ZNRF1: variants seen among roughly 807,000 people sequenced by gnomAD.
The protein encoded by ZNRF1 is E3 ubiquitin-protein ligase ZNRF1.
In ZNRF1, 3 loss-of-function variants were observed where a neutral mutation model predicts 18.4. The ratio of observed to expected loss-of-function variants is 0.16; its 90% CI spans 0.07 to 0.42. The LOEUF (loss-of-function observed/expected upper bound fraction) is 0.42. Among genes scored for constraint, ZNRF1 ranks in the 10% least tolerant of loss-of-function variants. The pLI, the probability that ZNRF1 is intolerant of heterozygous loss-of-function variation, is 0.99. For synonymous variants in ZNRF1, 157 were observed against 144.2 expected, an observed-to-expected ratio of 1.09 and a Z score of -0.64; for missense variants, 310 against 329.8, an observed-to-expected ratio of 0.94 and a Z score of 0.47.
At chr16:75,026,317 A>G (rs1399750479) in intron 1 of ZNRF1, among the ~76,000 whole-genome samples, 1 of 152,068 alleles carries the variant, frequency 6.6e-6, no homozygotes, top group Admixed American at 6.6e-5. Flanking sequence ...GGCAAGAGTA[A>G]AAGTACTGGC....
In ZNRF1 at chr16:75,003,816, A is replaced by G. The variant is rs2034883949; in HGVS notation, c.424+3721A>G. ...TTTATTCATCTGTAAAATGTAGAAG[A>G]CGCCTGTCCTGCTTACCTCTCAGAG... On this transcript the variant is annotated intron_variant, in intron 1 of 4. Coordinates refer to ENST00000335325, the MANE Select transcript of ZNRF1 (RefSeq NM_032268.5). 2.6e-5 allele frequency among the ~76,000 whole-genome samples: 4 copies of G among 152,230 alleles called. No individual in the cohort carries two copies. In the South Asian group the frequency reaches 8.3e-4, roughly 32 times the overall value.
At chr16:75,009,915 T>C (rs989451034) in intron 1 of ZNRF1, among the ~76,000 whole-genome samples, 1 of 144,208 alleles carries the variant, frequency 6.9e-6, no homozygotes, top group Non-Finnish European at 1.5e-5. Flanking sequence ...TTTCATGTGT[T>C]TATTGGCCAT....
Position 74,999,930 on chromosome 16 carries a change from G to A in ZNRF1, c.259G>A (p.Gly87Ser), listed in dbSNP as rs1018397374. Residue 87 changes from glycine to serine, a missense_variant, in exon 1 of 5, where the codon GGC becomes AGC. Gly to Ser is a moderately conservative substitution (Grantham distance 56). This residue lies in a region of ZNRF1 where 293 missense variants were observed against 291.2 expected (regional missense o/e 1.01). Coordinates refer to ENST00000335325, the MANE Select transcript of ZNRF1 (RefSeq NM_032268.5). The stretch of plus-strand genomic sequence containing the variant: ...CACCGGCGACTCCGAGAGGGCGCCC[G>A]GCGGCGGAGGGTCTGCGTCCGACTC... ...RGTGDSERAP[G>S]GGGSASDSTY... 3.2e-6 allele frequency: 5 copies of A among 1,562,124 alleles called. No individual in the cohort carries two copies. The highest frequency in any genetic ancestry group is 4.3e-6 in the Non-Finnish European group (5 of 1,155,124).
intron 1 of ZNRF1, among the ~76,000 whole-genome samples, chr16:75,086,462 G>A (rs2036075280): frequency 6.6e-6 from 1 of 152,156 alleles, no homozygotes. Flanking sequence ...AGTCAAGGAT[G>A]TTCTCTAGGA....
intron 1 of ZNRF1, among the ~76,000 whole-genome samples, chr16:75,018,548 A>G (rs1376078650): frequency 6.6e-6 from 1 of 152,046 alleles, no homozygotes; most frequent in African/African-American, 2.4e-5. Flanking sequence ...AGCATCACAT[A>G]TGTTTTTGGT....
At chr16:75,071,193 G>A (rs1245059976) in intron 1 of ZNRF1, among the ~76,000 whole-genome samples, 2 of 150,900 alleles carry the variant, frequency 1.3e-5, no homozygotes, top group African/African-American at 4.9e-5. Flanking sequence ...TCCGCCTCCC[G>A]GGTTCAAGTG....
chr16:75,104,566 C>T, intron 2 of ZNRF1: 1 of 429,042 alleles, frequency 2.3e-6, no homozygotes, highest in South Asian at 3.0e-5. Context: ...GAGATTAATC[C>T]CATTTTGTCT....
intron 1 of ZNRF1, among the ~76,000 whole-genome samples, chr16:75,055,481 A>G (rs2035656843): frequency 6.6e-6 from 1 of 152,188 alleles, no homozygotes; most frequent in South Asian, 2.1e-4. Context: ...TTTCCATGCT[A>G]CCAGCCCAGG....
At chr16:75,106,886 A>G (rs2036322578) in intron 4 of ZNRF1, 1 of 268,184 alleles carries the variant, frequency 3.7e-6, no homozygotes, top group Non-Finnish European at 7.4e-6. Context: ...CGGGCAGGAA[A>G]AGGAGCCTGA....
chr16:75,059,222 T>C (rs1344454237), intron 1 of ZNRF1, among the ~76,000 whole-genome samples: 1 of 139,134 alleles, frequency 7.2e-6, no homozygotes, highest in Non-Finnish European at 1.5e-5. Context: ...TCTTTCCTTC[T>C]TTCTTTCTTT....
chr16:75,050,622 A>C (rs1010399552), intron 1 of ZNRF1, among the ~76,000 whole-genome samples: 1 of 151,946 alleles, frequency 6.6e-6, no homozygotes, highest in Non-Finnish European at 1.5e-5. Context: ...TAATCCCAGC[A>C]CTTTGGGAGG....
Position 75,055,853 on chromosome 16 carries a change from G to T in ZNRF1, c.425-37719G>T, listed in dbSNP as rs1356499794. Among the ~76,000 whole-genome samples, 8 of 152,152 alleles carry T rather than the reference G, an allele frequency of 5.3e-5. No individual in the cohort carries two copies. In the East Asian group the frequency reaches 1.5e-3, roughly 29 times the overall value. ...AGCATTACCTGGGAAAGCTGGCCTT[G>T]TCTCCAACTGGGCACATCCTTGAAG... On this transcript the variant is annotated intron_variant, in intron 1 of 4. Transcript: ENST00000335325.
Position 75,104,615 on chromosome 16 carries a change from C to T in ZNRF1, c.521-169C>T, listed in dbSNP as rs113815070. The T allele has an allele frequency of 6.9e-3, 3,738 of 545,190 alleles. 92 individuals carry two copies. The highest frequency in any genetic ancestry group is 0.039 in the African/African-American group (2,060 of 52,214). 33.8% of individuals were successfully genotyped at this position (545,190 alleles called of 1,614,324 possible). ...ATGTGATGTCCACGCATTATCTCCACGGTGAAAGTCTTAAGGTCAACGTCC... is the reference window on the plus strand; with the variant it reads ...ATGTGATGTCCACGCATTATCTCCATGGTGAAAGTCTTAAGGTCAACGTCC... On this transcript the variant is annotated intron_variant, in intron 2 of 4. Coordinates refer to ENST00000335325, the MANE Select transcript of ZNRF1 (RefSeq NM_032268.5).
chr16:75,063,549 G>A (rs998965445), intron 1 of ZNRF1, among the ~76,000 whole-genome samples: 5 of 152,088 alleles, frequency 3.3e-5, no homozygotes, highest in African/African-American at 1.2e-4. Flanking sequence ...GTATTTCGTT[G>A]GCATGTTTTT....
intron 1 of ZNRF1, among the ~76,000 whole-genome samples, chr16:75,025,461 C>A (rs909083662): frequency 6.6e-6 from 1 of 152,108 alleles, no homozygotes; most frequent in Non-Finnish European, 1.5e-5. Context: ...GACTATCCCC[C>A]CAAAATTGTG....
rs183538758 is a variant in ZNRF1, at chr16:75,030,226, A to G, written c.424+30131A>G. Among the ~76,000 whole-genome samples the G allele has an allele frequency of 3.5e-4, 53 of 152,328 alleles. No individual in the cohort carries two copies. The Middle Eastern group carries it at 0.01, about 29-fold the overall frequency. On this transcript the variant is annotated intron_variant, in intron 1 of 4. Coordinates refer to ENST00000335325, the MANE Select transcript of ZNRF1 (RefSeq NM_032268.5). ...AGTACAGAAATAAACACATGCATCT[A>G]TGGTCAACTGATTTTCAACAAGGGT...
intron 1 of ZNRF1, among the ~76,000 whole-genome samples, chr16:75,090,945 TTAAC>T (rs1207634680): frequency 6.6e-6 from 1 of 152,080 alleles, no homozygotes; most frequent in Non-Finnish European, 1.5e-5. Flanking sequence ...GAGGCAGAGT[TTAAC>T]TATGTTGCTC....
At chr16:75,017,304 A>G (rs1245302351) in intron 1 of ZNRF1, among the ~76,000 whole-genome samples, 1 of 152,232 alleles carries the variant, frequency 6.6e-6, no homozygotes, top group Admixed American at 6.5e-5. Context: ...CCATTTTTGT[A>G]AATTTGGGCT....
chr16:75,029,789 T>G (rs572010101), intron 1 of ZNRF1, among the ~76,000 whole-genome samples: 5 of 145,048 alleles, frequency 3.4e-5, no homozygotes, highest in Non-Finnish European at 7.5e-5. Context: ...AACAAAAAAT[T>G]TATTGAGGCT....
Sources: allele counts gnomAD v4.1 joint callset (sites outside exome capture counted in the v4.1 genomes callset), GRCh38; gene constraint gnomAD v4.1.1; regional missense constraint gnomAD v4.1.1; transcripts MANE v1.5; gene names NCBI Gene and HGNC (gene_info 2026-07-23, HGNC 2026-07-21).